The following IMPACT variants were observed in gnomAD, a reference collection of about 807,000 sequenced individuals.
IMPACT encodes protein IMPACT.
In IMPACT, 35 loss-of-function variants were observed where a neutral mutation model predicts 47.5. That is an observed-to-expected ratio of 0.74 (90% confidence interval 0.56 to 0.98). The LOEUF (loss-of-function observed/expected upper bound fraction) is 0.98. Among genes scored for constraint, IMPACT ranks in the 50% least tolerant of loss-of-function variants. IMPACT has a pLI of 0.00. For missense variants in IMPACT, 373 were observed against 394.8 expected (o/e 0.94, Z 0.47); for synonymous variants, 118 against 125.6 (o/e 0.94, Z 0.40).
intron 5 of IMPACT, 31 bp downstream of exon 5, chr18:24,438,071 T>C: frequency 1.0e-6 from 1 of 973,524 alleles, no homozygotes. Context: ...CAATACTCTT[T>C]TAACTTATAA....
At chr18:24,448,317 G>C in intron 9 of IMPACT, 134 bp downstream of exon 9, 2 of 502,886 alleles carry the variant, frequency 4.0e-6, no homozygotes, top group South Asian at 9.1e-5. Context: ...ATTAGTAGTT[G>C]ATGTTAAAAT....
At chr18:24,433,377 T>A (rs1281710522) in intron 4 of IMPACT, among the ~76,000 whole-genome samples, 1 of 149,694 alleles carries the variant, frequency 6.7e-6, no homozygotes. Flanking sequence ...TTTTTTGTAT[T>A]TTTAGTAGAG....
intron 4 of IMPACT, among the ~76,000 whole-genome samples, chr18:24,432,437 A>G (rs189590262): frequency 6.6e-6 from 1 of 152,286 alleles, no homozygotes; most frequent in Admixed American, 6.5e-5. Context: ...CCTGGGATCC[A>G]GGCCAGGTTT....
intron 7 of IMPACT, among the ~76,000 whole-genome samples, chr18:24,443,589 C>G (rs996079319): frequency 2.0e-5 from 3 of 152,096 alleles, no homozygotes; most frequent in Non-Finnish European, 1.5e-5. Flanking sequence ...TGCTTAATAC[C>G]TTGTCAAAAA....
chr18:24,430,858 A>T (rs891027405), intron 4 of IMPACT, among the ~76,000 whole-genome samples: 1 of 152,264 alleles, frequency 6.6e-6, no homozygotes, highest in Admixed American at 6.5e-5. Flanking sequence ...TTCATAGGCT[A>T]TGTAGAATGA....
rs549902768 is a variant in IMPACT at position 24,427,484 on chromosome 18, T to G, written c.37-435T>G. The G allele has an allele frequency of 1.8e-3, 277 of 151,732 alleles. 3 individuals carry two copies. Among genetic ancestry groups the G allele is most frequent in the Non-Finnish European group, 3.4e-3 (233 of 68,820 alleles). 9.4% of individuals were successfully genotyped at this position (151,732 alleles called of 1,614,324 possible). On this transcript the variant is annotated intron_variant, in intron 1 of 10. Coordinates refer to ENST00000284202, the MANE Select transcript of IMPACT (RefSeq NM_018439.4). ...CACCTCCCCCCAACACAAAATTTAA[T>G]ACGAAGGAACCAGTGAGACACCCAG...
intron 4 of IMPACT, among the ~76,000 whole-genome samples, chr18:24,433,920 C>G (rs1303836806): frequency 6.6e-5 from 10 of 151,988 alleles, no homozygotes; most frequent in African/African-American, 2.4e-4. Context: ...ATCCGCCTGC[C>G]TCGGCCTCCC....
Position 24,452,278 on chromosome 18 carries a change from T to C in IMPACT, c.*1431T>C, listed in dbSNP as rs564849802. On this transcript the variant is annotated 3_prime_UTR_variant, in exon 11 of 11. Transcript: ENST00000284202. ...ATTCTGAAATATAAATTCTAAATTA[T>C]ATTTGTTATAACTATATTTTATGTT... 6.6e-6 allele frequency: 1 copy of C among 152,338 alleles called. No homozygotes were observed. The highest frequency in any genetic ancestry group is 2.4e-5 in the African/African-American group (1 of 41,574). 9.4% of individuals were successfully genotyped at this position (152,338 alleles called of 1,614,324 possible).
intron 9 of IMPACT, among the ~76,000 whole-genome samples, chr18:24,449,538 A>G (rs1909325349): frequency 6.6e-6 from 1 of 152,172 alleles, no homozygotes; most frequent in Admixed American, 6.5e-5. Context: ...TCCTACTTGC[A>G]TGGTCTCCCC....
intron 8 of IMPACT, among the ~76,000 whole-genome samples, 161 bp from the exon 9 acceptor site, chr18:24,447,932 C>T (rs1289452683): frequency 6.6e-6 from 1 of 151,816 alleles, no homozygotes; most frequent in Non-Finnish European, 1.5e-5. Flanking sequence ...GATAGTAAAC[C>T]GTCAGTGAAA....
In IMPACT at chr18:24,450,795, C is replaced by A; in HGVS notation, c.911C>A (p.Ala304Asp). The change falls in exon 11 of 11, where the codon GCT becomes GAT. Residue 304 changes from alanine (A) to aspartate (D), a missense_variant. By Grantham distance (126) the Ala-to-Asp change is moderately radical. Transcript: ENST00000284202. ...YTNSPEESSK[A>D]LGKNKKVRKD... ...CTTTTTCAGGAGGAGTCATCTAAGG[C>A]TTTGGGAAAGAACAAAAAAGTAAGA... 1 of 1,609,868 alleles carries A rather than the reference C, an allele frequency of 6.2e-7. No individual in the cohort carries two copies. Among genetic ancestry groups the A allele is most frequent in the Non-Finnish European group, 8.5e-7 (1 of 1,176,700 alleles).
In IMPACT at chr18:24,452,314, A is replaced by C. The variant is rs1199784735; in HGVS notation, c.*1467A>C. 6.6e-6 allele frequency: 1 copy of C among 152,208 alleles called. No homozygotes were observed. Among genetic ancestry groups the C allele is most frequent in the Non-Finnish European group, 1.5e-5 (1 of 68,034 alleles). 9.4% of individuals were successfully genotyped at this position (152,208 alleles called of 1,614,324 possible). A position where few individuals can be genotyped will look rare whatever the true frequency, so the allele number is the denominator to read the frequency against. ...ACTATATTTTATGTTGTATGTTATC[A>C]GGAGCCATCAGAGAATGACCTTTTT... is the stretch of plus-strand genomic sequence containing the variant. On this transcript the variant is annotated 3_prime_UTR_variant, in exon 11 of 11. Coordinates refer to ENST00000284202, the MANE Select transcript of IMPACT (RefSeq NM_018439.4).
intron 2 of IMPACT, among the ~76,000 whole-genome samples, chr18:24,428,329 G>A (rs1278476752): frequency 6.6e-6 from 1 of 152,178 alleles, no homozygotes; most frequent in African/African-American, 2.4e-5. Context: ...CATCTGGTAG[G>A]AGAGGGTCCA....
At chr18:24,429,066 A>G (rs1908684515) in intron 3 of IMPACT, 145 bp downstream of exon 3, 1 of 516,862 alleles carries the variant, frequency 1.9e-6, no homozygotes, top group Non-Finnish European at 3.4e-6. Context: ...GGTATAGAGC[A>G]TTTAAATAAA....
rs181614980 is a variant in IMPACT, at chr18:24,450,665, A to G, written c.895-114A>G. ...CTGTAACATATATACATACATACAT[A>G]TATGTATGAATATATGTGGAATATA... is the stretch of plus-strand genomic sequence containing the variant. On this transcript the variant is annotated intron_variant, in intron 10 of 10. Coordinates refer to ENST00000284202, the MANE Select transcript of IMPACT (RefSeq NM_018439.4). The G allele has an allele frequency of 9.0e-4, 574 of 640,350 alleles. 1 individual carries two copies. Among genetic ancestry groups the G allele is most frequent in the African/African-American group, 8.3e-3 (450 of 54,462 alleles). The allele number at this position is 640,350 out of a possible 1,614,324, so 39.7% of individuals were successfully genotyped here.
intron 4 of IMPACT, among the ~76,000 whole-genome samples, chr18:24,433,214 A>C (rs1220065772): frequency 1.3e-5 from 1 of 77,222 alleles, no homozygotes; most frequent in South Asian, 4.6e-4. Flanking sequence ...TTTTTTTGAG[A>C]CGGAGTCTCG....
intron 5 of IMPACT, among the ~76,000 whole-genome samples, chr18:24,440,088 A>T (rs1909061266): frequency 6.6e-6 from 1 of 152,098 alleles, no homozygotes; most frequent in Non-Finnish European, 1.5e-5. Flanking sequence ...TGAGGAAGGG[A>T]TGTCTCTTCC....
Position 24,430,440 on chromosome 18 carries a change from T to C in IMPACT, c.281+56T>C, listed in dbSNP as rs112257859. ...CTGTTAGTGATTGTATTGTGGGCTT[T>C]TGTTGAACCTGTGAACCCTTTGTTA... is the stretch of plus-strand genomic sequence containing the variant. On this transcript the variant is annotated intron_variant, in intron 4 of 10. Coordinates refer to ENST00000284202, the MANE Select transcript of IMPACT (RefSeq NM_018439.4). 727 of 1,329,210 alleles carry C rather than the reference T, an allele frequency of 5.5e-4. 1 individual carries two copies. In the African/African-American group the frequency reaches 9.8e-3, roughly 18 times the overall value. 82.3% of individuals were successfully genotyped at this position (1,329,210 alleles called of 1,614,324 possible).
chr18:24,427,768 C>A, intron 1 of IMPACT, 151 bp from the exon 2 acceptor site: 1 of 652,342 alleles, frequency 1.5e-6, no homozygotes, highest in Non-Finnish European at 2.5e-6. Flanking sequence ...ACATGGTGAC[C>A]TGCTCTTAAG....
Sources: gnomAD v4.1 joint callset for allele counts (sites outside exome capture counted in the v4.1 genomes callset) on GRCh38, gnomAD v4.1.1 for gene constraint, MANE v1.5 for transcripts, NCBI Gene and HGNC (gene_info 2026-07-23, HGNC 2026-07-21) for gene names.